WDR11: variants seen among roughly 807,000 people sequenced by gnomAD.
WDR11 encodes WD repeat-containing protein 11.
A neutral mutation model predicts 151.2 loss-of-function variants in WDR11; 83 were observed. That is an observed-to-expected ratio of 0.55 (90% CI 0.46 to 0.66). The LOEUF is 0.66. Ranked by LOEUF, WDR11 falls within the 30% of genes least tolerant of loss-of-function variation. WDR11 has a pLI of 0.00. For synonymous variants in WDR11, 484 were observed against 533.1 expected, an observed-to-expected ratio of 0.91 and a Z score of 1.27; for missense variants, 1,301 against 1,480.9, an observed-to-expected ratio of 0.88 and a Z score of 1.99.
chr10:120,859,333 T>C (rs1262003030), intron 3 of WDR11, among the ~76,000 whole-genome samples: 1 of 150,858 alleles, frequency 6.6e-6, no homozygotes, highest in Non-Finnish European at 1.5e-5. Flanking sequence ...AGTGGCGCTA[T>C]CTCGGCTCAC....
chr10:120,888,274 T>C (rs982280810), intron 16 of WDR11, among the ~76,000 whole-genome samples: 6 of 152,240 alleles, frequency 3.9e-5, no homozygotes, highest in African/African-American at 1.4e-4. Flanking sequence ...TAGCAACAAC[T>C]CAAGTTTCAT....
rs774442833 is a variant in WDR11, at chr10:120,865,130, G to A, written c.797G>A (p.Arg266Gln). The stretch of plus-strand genomic sequence containing the variant: ...AATCACATGTTGTTGCTCTATCCTC[G>A]AGAGATTTTAATCCTTGACCTTGAG... ...KRNHMLLLYP[R>Q]EILILDLEVN... The change falls in exon 6 of 29, where the codon CGA (arginine) becomes CAA (glutamine). Residue 266 changes from arginine (R) to glutamine (Q), a missense_variant. Transcript: ENST00000263461. 1.1e-5 allele frequency: 17 copies of A among 1,613,802 alleles called. No homozygotes were observed. The highest frequency in any genetic ancestry group is 1.3e-5 in the African/African-American group (1 of 74,916).
At chr10:120,881,818 A>C (rs1847016485) in intron 13 of WDR11, among the ~76,000 whole-genome samples, 1 of 152,036 alleles carries the variant, frequency 6.6e-6, no homozygotes, top group African/African-American at 2.4e-5. Context: ...AGACATCTTT[A>C]CATCTTTTCG....
chr10:120,898,810 A>G (rs1847705139), intron 19 of WDR11, among the ~76,000 whole-genome samples: 1 of 149,570 alleles, frequency 6.7e-6, no homozygotes, highest in Non-Finnish European at 1.5e-5. Flanking sequence ...TGTTGAGTCA[A>G]TTAAACCTCT....
Position 120,878,408 on chromosome 10 carries a change from A to T in WDR11, c.1612A>T (p.Asn538Tyr), listed in dbSNP as rs1436782538. The change falls in exon 12 of 29, where the codon AAC becomes TAC. Residue 538 changes from asparagine (N) to tyrosine (Y), a missense_variant. Transcript: ENST00000263461. ...TCTTTCTTTTGCTACCTCAACACCA[A>T]ACAATATGGGATTAGTGAGAAATGA... is the stretch of plus-strand genomic sequence containing the variant. ...SFLSFATSTP[N>Y]NMGLVRNELQ... The T allele has an allele frequency of 6.2e-7, 1 of 1,613,348 alleles. No homozygotes were observed. Among genetic ancestry groups the T allele is most frequent in the Admixed American group, 1.7e-5 (1 of 60,000 alleles).
intron 16 of WDR11, among the ~76,000 whole-genome samples, chr10:120,887,287 T>G (rs755583292): frequency 9.9e-5 from 15 of 152,216 alleles, no homozygotes; most frequent in Admixed American, 7.9e-4. Flanking sequence ...TGTAATAGTA[T>G]TATTAACATT....
At chr10:120,876,988 GTAAAAT>G (rs1174645169) in intron 11 of WDR11, among the ~76,000 whole-genome samples, 1 of 152,190 alleles carries the variant, frequency 6.6e-6, no homozygotes, top group Non-Finnish European at 1.5e-5. Context: ...CATGTTGGCA[GTAAAAT>G]TAAAATGTTG....
Position 120,903,053 on chromosome 10 carries a change from A to G in WDR11, c.2754-2A>G. On this transcript the variant is annotated splice_acceptor_variant, in intron 22 of 28. Transcript: ENST00000263461. LOFTEE classifies it high-confidence loss of function. ...GTCAAAACTTTGCTTCATCCTTGCC[A>G]GGCTCTATGGTGATGAATCGGAGCT... The G allele has an allele frequency of 1.9e-6, 3 of 1,613,856 alleles. No individual in the cohort carries two copies. Among genetic ancestry groups the G allele is most frequent in the Non-Finnish European group, 2.5e-6 (3 of 1,180,004 alleles).
chr10:120,859,934 T>C (rs911029574), intron 3 of WDR11, among the ~76,000 whole-genome samples, 175 bp from the exon 4 acceptor site: 2 of 138,534 alleles, frequency 1.4e-5, no homozygotes, highest in African/African-American at 5.7e-5. Context: ...ATAGAATTAG[T>C]TTTTTCTCTG....
At chr10:120,860,330 AT>A in intron 4 of WDR11, 48 bp downstream of exon 4, 1 of 1,585,094 alleles carries the variant, frequency 6.3e-7, no homozygotes, top group Non-Finnish European at 8.6e-7. Context: ...GATATTTATA[AT>A]ATAGTAATGC....
chr10:120,884,159 A>G (rs1461620049), intron 14 of WDR11, among the ~76,000 whole-genome samples: 1 of 152,194 alleles, frequency 6.6e-6, no homozygotes, highest in Non-Finnish European at 1.5e-5. Flanking sequence ...ATGAAAGAAT[A>G]AAGGTCCTAA....
At chr10:120,855,895 G>A (rs1845929005) in intron 2 of WDR11, among the ~76,000 whole-genome samples, 1 of 152,138 alleles carries the variant, frequency 6.6e-6, no homozygotes, top group Admixed American at 6.5e-5. Context: ...ACAATGAATG[G>A]GAGAGTAGTG....
At chr10:120,902,938 T>A (rs1004237956) in intron 22 of WDR11, 117 bp from the exon 23 acceptor site, 27 of 1,085,076 alleles carry the variant, frequency 2.5e-5, no homozygotes, top group Non-Finnish European at 2.6e-5. Flanking sequence ...TCAGGCCCCA[T>A]GCCAGTATCC....
chr10:120,852,263 T>C (rs1845803704), intron 1 of WDR11: 1 of 429,230 alleles, frequency 2.3e-6, no homozygotes, highest in South Asian at 2.2e-5. Flanking sequence ...GGGCACAAGT[T>C]CCTTTTTATG....
chr10:120,880,678 C>A, intron 12 of WDR11, 148 bp from the exon 13 acceptor site: 17 of 732,122 alleles, frequency 2.3e-5, no homozygotes, highest in Middle Eastern at 3.9e-4. Context: ...CCCGAAAAAA[C>A]AGAAACAGAT....
intron 25 of WDR11, 148 bp downstream of exon 25, chr10:120,904,959 ATAATT>A: frequency 1.0e-6 from 1 of 953,560 alleles, no homozygotes; most frequent in Non-Finnish European, 1.6e-6. Flanking sequence ...TCAGATGAAT[ATAATT>A]GTCTAAACCA....
Position 120,867,185 on chromosome 10 carries a change from C to A in WDR11, c.1294+16C>A. On this transcript the variant is annotated intron_variant, in intron 9 of 28. Coordinates refer to ENST00000263461, the MANE Select transcript of WDR11 (RefSeq NM_018117.12). ...AACATGATTGGTAAGCTTTTTTCCCCTCTAACTCCATGTTAAGTATTCTTT... is the reference window on the plus strand; with the variant it reads ...AACATGATTGGTAAGCTTTTTTCCCATCTAACTCCATGTTAAGTATTCTTT... 4 of 1,567,356 alleles carry A rather than the reference C, an allele frequency of 2.6e-6. No homozygotes were observed. The highest frequency in any genetic ancestry group is 3.5e-6 in the Non-Finnish European group (4 of 1,137,738).
chr10:120,891,163 T>C (rs555849074), intron 19 of WDR11, among the ~76,000 whole-genome samples: 2 of 152,336 alleles, frequency 1.3e-5, no homozygotes, highest in East Asian at 3.9e-4. Flanking sequence ...AAGATGTTTA[T>C]GTTTATAAAA....
At chr10:120,898,045 C>T (rs967189037) in intron 19 of WDR11, among the ~76,000 whole-genome samples, 3 of 151,906 alleles carry the variant, frequency 2.0e-5, no homozygotes, top group Non-Finnish European at 4.4e-5. Context: ...ATAATGTGAG[C>T]CACATAGGTA....
Sources: allele counts gnomAD v4.1 joint callset (sites outside exome capture counted in the v4.1 genomes callset), GRCh38; gene constraint gnomAD v4.1.1; transcripts MANE v1.5; gene names NCBI Gene and HGNC (gene_info 2026-07-23, HGNC 2026-07-21).